The following RAB3GAP2 variants were observed in gnomAD, a reference collection of about 807,000 sequenced individuals.
RAB3GAP2 encodes the protein rab3 GTPase-activating protein non-catalytic subunit.
RAB3GAP2 carries 87 observed loss-of-function variants against 185.3 expected under a neutral mutation model. The ratio of observed to expected loss-of-function variants is 0.47; its 90% CI spans 0.39 to 0.56. The LOEUF (loss-of-function observed/expected upper bound fraction) is 0.56, where lower values mean the gene tolerates loss of function less well. Ranked by LOEUF, RAB3GAP2 falls within the 20% of genes least tolerant of loss-of-function variation. The probability of loss-of-function intolerance (pLI) is 0.00; values close to 1 mark genes in which losing one functional copy is unlikely to be tolerated. For synonymous variants in RAB3GAP2, 554 were observed against 576.1 expected (o/e 0.96, Z 0.55); for missense variants, 1,492 against 1,638.2 (o/e 0.91, Z 1.54).
At chr1:220,184,822 A>G (rs1337244126) in intron 18 of RAB3GAP2, among the ~76,000 whole-genome samples, 1 of 152,058 alleles carries the variant, frequency 6.6e-6, no homozygotes, top group Non-Finnish European at 1.5e-5. Flanking sequence ...ACGCTTTTTA[A>G]AAGAGGGATT....
At chr1:220,174,670 T>A (rs989596787) in intron 21 of RAB3GAP2, among the ~76,000 whole-genome samples, 1 of 152,190 alleles carries the variant, frequency 6.6e-6, no homozygotes, top group African/African-American at 2.4e-5. Flanking sequence ...AACAAATATA[T>A]CTTCCATGCT....
Position 220,272,305 on chromosome 1 carries a change from G to C in RAB3GAP2, c.33C>G (p.Phe11Leu), listed in dbSNP as rs1446997240. Residue 11 changes from phenylalanine to leucine, a missense_variant, in exon 1 of 35, where the codon TTC becomes TTG. Phe to Leu is a conservative substitution (Grantham distance 22). Transcript: ENST00000358951. The part of the protein sequence containing the change: MACSIVQFCY[F>L]QDLQAARDFL... ...AGTCCCGGGCGGCCTGGAGGTCCTG[G>C]AAGTAGCAGAACTGGACAATGGAGC... is the stretch of plus-strand genomic sequence containing the variant. 33 of 1,612,432 alleles carry C rather than the reference G, an allele frequency of 2.0e-5. No individual in the cohort carries two copies. The Admixed American group carries it at 5.5e-4, about 27-fold the overall frequency.
intron 21 of RAB3GAP2, among the ~76,000 whole-genome samples, chr1:220,179,520 G>A (rs929428350): frequency 6.6e-6 from 1 of 152,102 alleles, no homozygotes; most frequent in African/African-American, 2.4e-5. Context: ...TAGACCATAT[G>A]GACCTAATAG....
rs1276760102 is a variant in RAB3GAP2, at chr1:220,212,369, T to A, written c.386+518A>T. Among the ~76,000 whole-genome samples, 3 of 152,362 alleles carry A rather than the reference T, an allele frequency of 2.0e-5. No homozygotes were observed. In the East Asian group the frequency reaches 5.8e-4, roughly 29 times the overall value. On this transcript the variant is annotated intron_variant, in intron 4 of 34. Transcript: ENST00000358951. ...TTCTTCCTTAAATCTTCCAACAGAA[T>A]TTTTTAAAAACATAATTACACGATA...
intron 1 of RAB3GAP2, among the ~76,000 whole-genome samples, chr1:220,251,977 C>T (rs1221193377): frequency 1.3e-5 from 2 of 151,460 alleles, no homozygotes; most frequent in Non-Finnish European, 2.9e-5. Flanking sequence ...TAGTGAGATC[C>T]CCATCTCTAC....
Position 220,267,039 on chromosome 1 carries a change from C to T in RAB3GAP2, c.115+5184G>A. On this transcript the variant is annotated intron_variant, in intron 1 of 34. Coordinates refer to ENST00000358951, the MANE Select transcript of RAB3GAP2 (RefSeq NM_012414.4). ...CAATCATTTCGGGGGGCAGGTAGTCCAGGGTGCCACAGAGAGTGGTCCTCC... is the reference window on the plus strand; with the variant it reads ...CAATCATTTCGGGGGGCAGGTAGTCTAGGGTGCCACAGAGAGTGGTCCTCC... The T allele has an allele frequency of 3.1e-6, 5 of 1,611,446 alleles. No homozygotes were observed. In the South Asian group the frequency reaches 5.5e-5, roughly 18 times the overall value.
At position 220,190,075 on chromosome 1, in the gene RAB3GAP2, G is replaced by C. The variant is rs1658585369; in HGVS notation, c.1703C>G (p.Ser568Cys). 6.2e-7 allele frequency: 1 copy of C among 1,610,014 alleles called. No homozygotes were observed. The highest frequency in any genetic ancestry group is 1.3e-5 in the African/African-American group (1 of 74,830). Residue 568 changes from serine (S) to cysteine (C), a missense_variant, in exon 16 of 35, where the codon TCT (serine) becomes TGT (cysteine). Physicochemically the swap from Ser to Cys is moderately radical, Grantham distance 112. Coordinates refer to ENST00000358951, the MANE Select transcript of RAB3GAP2 (RefSeq NM_012414.4). Reference sequence around the variant, plus strand: ...GAGAGAATACCTACCAAGATTGGGAGATTTTGTTTTCAGTAAGGCTGCTAG... The same window carrying C: ...GAGAGAATACCTACCAAGATTGGGACATTTTGTTTTCAGTAAGGCTGCTAG... ...KKLAALLKTK[S>C]PNLDLVETEI... is the part of the protein sequence containing the mutation.
In RAB3GAP2 at chr1:220,232,828, C is replaced by T. The variant is rs113795354; in HGVS notation, c.151G>A (p.Ala51Thr). The T allele has an allele frequency of 7.4e-6, 12 of 1,613,892 alleles. No homozygotes were observed. The highest frequency in any genetic ancestry group is 4.0e-5 in the African/African-American group (3 of 75,002). Residue 51 changes from alanine (A) to threonine (T), a missense_variant, in exon 2 of 35, where the codon GCA (alanine) becomes ACA (threonine). By Grantham distance (58) the Ala-to-Thr change is moderately conservative (BLOSUM62 0). Transcript: ENST00000358951. ...STDWEDDGWG[A>T]WEENEPQEPE... ...TCTTGTGGTTCATTTTCTTCCCATG[C>T]TCCCCAACCATCATCTTCCCAGTCT...
Position 220,191,206 on chromosome 1 carries a change from G to GA in RAB3GAP2, c.1348dup (p.Ser450PhefsTer36). 1 of 1,613,936 alleles carries GA rather than the reference G, an allele frequency of 6.2e-7. No homozygotes were observed. The highest frequency in any genetic ancestry group is 8.5e-7 in the Non-Finnish European group (1 of 1,179,956). On this transcript the variant is annotated frameshift_variant, in exon 14 of 35. Transcript: ENST00000358951. LOFTEE classifies it high-confidence loss of function. ...TGGACCCTGAGAATTTCCAAAGGGG[G>GA]AAAAATCTGCCTTTTCTGGCACTCT...
intron 27 of RAB3GAP2, among the ~76,000 whole-genome samples, chr1:220,164,289 T>G (rs951687033): frequency 2.0e-5 from 3 of 152,042 alleles, no homozygotes; most frequent in African/African-American, 7.2e-5. Flanking sequence ...CTATCATTGA[T>G]TCCCTCTTTC....
intron 12 of RAB3GAP2, among the ~76,000 whole-genome samples, chr1:220,193,614 T>C (rs1457225346): frequency 6.6e-6 from 1 of 152,216 alleles, no homozygotes; most frequent in Non-Finnish European, 1.5e-5. Context: ...CACAACCCTA[T>C]ACCTTTAGAG....
intron 1 of RAB3GAP2, among the ~76,000 whole-genome samples, chr1:220,271,567 C>G (rs1338833806): frequency 1.3e-5 from 2 of 152,082 alleles, no homozygotes; most frequent in African/African-American, 4.8e-5. Context: ...AATTTTAGTT[C>G]CTAATGTAGA....
intron 3 of RAB3GAP2, among the ~76,000 whole-genome samples, chr1:220,213,399 A>G (rs1427688659): frequency 1.3e-5 from 2 of 152,130 alleles, no homozygotes; most frequent in African/African-American, 4.8e-5. Flanking sequence ...TTGGAGATCT[A>G]TAAGATATGA....
intron 1 of RAB3GAP2, among the ~76,000 whole-genome samples, chr1:220,245,536 G>A (rs1277919201): frequency 6.6e-6 from 1 of 152,152 alleles, no homozygotes; most frequent in Non-Finnish European, 1.5e-5. Context: ...GAATCTCGCT[G>A]ATTGCTAGCA....
At chr1:220,193,639 C>T (rs749592856) in intron 12 of RAB3GAP2, among the ~76,000 whole-genome samples, 3 of 152,120 alleles carry the variant, frequency 2.0e-5, no homozygotes, top group Non-Finnish European at 4.4e-5. Flanking sequence ...TAAAGTATAA[C>T]TATATTTGAT....
At position 220,169,001 on chromosome 1, in the gene RAB3GAP2, G is replaced by A. The variant is rs551935667; in HGVS notation, c.2807-1326C>T. Reference sequence around the variant, plus strand: ...ATCAGTGAAAATAAATGTGAGCAGTGTGCTGGGTGATCTAATTTCTTATGT... The same window carrying A: ...ATCAGTGAAAATAAATGTGAGCAGTATGCTGGGTGATCTAATTTCTTATGT... On this transcript the variant is annotated intron_variant, in intron 24 of 34. Transcript: ENST00000358951. Among the ~76,000 whole-genome samples, 7 of 152,288 alleles carry A rather than the reference G, an allele frequency of 4.6e-5. No homozygotes were observed. In the East Asian group the frequency reaches 9.6e-4, roughly 21 times the overall value.
At chr1:220,184,192 A>T (rs752834551) in intron 18 of RAB3GAP2, 29 bp from the exon 19 acceptor site, 167 of 1,575,746 alleles carry the variant, frequency 1.1e-4, no homozygotes, top group Non-Finnish European at 1.4e-4. Context: ...AGTATATATA[A>T]GAGATATATT....
intron 3 of RAB3GAP2, among the ~76,000 whole-genome samples, chr1:220,213,460 T>C (rs977081110): frequency 1.3e-5 from 2 of 152,004 alleles, no homozygotes; most frequent in African/African-American, 4.8e-5. Context: ...TAAAATGCTA[T>C]GCCCCAAACA....
At position 220,190,051 on chromosome 1, in the gene RAB3GAP2, A is replaced by T; in HGVS notation, c.1714+13T>A. ...AACAATATGCTTTATTATTTGTATG[A>T]GAGAATACCTACCAAGATTGGGAGA... On this transcript the variant is annotated intron_variant, in intron 16 of 34. Transcript: ENST00000358951. 1 of 1,571,194 alleles carries T rather than the reference A, an allele frequency of 6.4e-7. No individual in the cohort carries two copies. The highest frequency in any genetic ancestry group is 8.8e-7 in the Non-Finnish European group (1 of 1,141,200).
Sources: allele counts gnomAD v4.1 joint callset (sites outside exome capture counted in the v4.1 genomes callset), GRCh38; gene constraint gnomAD v4.1.1; transcripts MANE v1.5; gene names NCBI Gene and HGNC (gene_info 2026-07-23, HGNC 2026-07-21).